LRRC18: variants seen among roughly 807,000 people sequenced by gnomAD.
LRRC18 encodes leucine rich repeat containing 18.
LRRC18 carries 12 observed loss-of-function variants against 11.2 expected under a neutral mutation model. The ratio of observed to expected loss-of-function variants is 1.07; its 90% confidence interval spans 0.69 to 1.74. The LOEUF is 1.74. LRRC18 is among the 40% of genes most tolerant of loss of function. The pLI is 0.00. For missense variants in LRRC18, 374 were observed against 330.5 expected, an observed-to-expected ratio of 1.13 and a Z score of -1.02; for synonymous variants, 155 against 130.6, an observed-to-expected ratio of 1.19 and a Z score of -1.27.
chr10:48,915,677 A>C (rs555290756), upstream of LRRC18, among the ~76,000 whole-genome samples: 3 of 152,126 alleles, frequency 2.0e-5, no homozygotes, highest in Non-Finnish European at 4.4e-5. Flanking sequence ...TCTCACACCT[A>C]CTGAAAATCC....
intron 1 of LRRC18, among the ~76,000 whole-genome samples, chr10:48,911,936 G>C (rs1417363084): frequency 6.6e-6 from 1 of 152,236 alleles, no homozygotes; most frequent in African/African-American, 2.4e-5. Context: ...GAAATGTGCT[G>C]TGTGCTGTGG....
the LRRC18 span, among the ~76,000 whole-genome samples, chr10:48,935,873 G>C: frequency 6.7e-6 from 1 of 149,918 alleles, no homozygotes; most frequent in African/African-American, 2.4e-5. Flanking sequence ...CATGAATAAG[G>C]CTGAAATTAT....
the LRRC18 span, among the ~76,000 whole-genome samples, chr10:48,936,499 G>T: frequency 5.3e-5 from 8 of 151,944 alleles, no homozygotes. Context: ...AAATATACAA[G>T]ATAAATACAT....
the LRRC18 span, among the ~76,000 whole-genome samples, chr10:48,933,435 C>T: frequency 1.3e-5 from 2 of 152,224 alleles, no homozygotes; most frequent in Admixed American, 1.3e-4. Flanking sequence ...CTTTTCCATA[C>T]AAGCTTGGCT....
chr10:48,935,147 G>GCGCAGGGC, the LRRC18 span: 2 of 152,240 alleles, frequency 1.3e-5, no homozygotes, highest in African/African-American at 4.8e-5. Flanking sequence ...AAATCGATAA[G>GCGCAGGGC]CGCAGGGCCG....
chr10:48,920,538 A>C, the LRRC18 span, among the ~76,000 whole-genome samples: 21 of 151,938 alleles, frequency 1.4e-4, no homozygotes, highest in African/African-American at 4.6e-4. Context: ...GAAAAAAAAG[A>C]AAAAAAAAGC....
At chr10:48,912,367 G>A (rs965940359) in intron 1 of LRRC18, among the ~76,000 whole-genome samples, 2 of 152,244 alleles carry the variant, frequency 1.3e-5, no homozygotes, top group African/African-American at 4.8e-5. Flanking sequence ...CACTTCACGA[G>A]TGAGGGAACC....
At chr10:48,910,405 G>C in intron 1 of LRRC18, 147 bp from the exon 4 acceptor site, 1 of 726,414 alleles carries the variant, frequency 1.4e-6, no homozygotes, top group Non-Finnish European at 2.5e-6. Context: ...TGTTGTATTT[G>C]AGGAAAGAGA....
upstream of LRRC18, among the ~76,000 whole-genome samples, chr10:48,915,364 G>T (rs1373329295): frequency 6.6e-6 from 1 of 151,976 alleles, no homozygotes; most frequent in African/African-American, 2.4e-5. Flanking sequence ...TGTTCTGTTT[G>T]GTTCTGGGAC....
At chr10:48,924,054 C>A in the LRRC18 span, among the ~76,000 whole-genome samples, 1 of 152,224 alleles carries the variant, frequency 6.6e-6, no homozygotes, top group Admixed American at 6.5e-5. Flanking sequence ...GAGCCTCTCT[C>A]CAAAGGGCCC....
chr10:48,937,994 A>G, the LRRC18 span, among the ~76,000 whole-genome samples: 2 of 152,156 alleles, frequency 1.3e-5, no homozygotes, highest in Non-Finnish European at 2.9e-5. Flanking sequence ...TCGCCTGGCA[A>G]TGGCCAAGCT....
chr10:48,926,848 C>A, the LRRC18 span, among the ~76,000 whole-genome samples: 6 of 152,208 alleles, frequency 3.9e-5, no homozygotes, highest in African/African-American at 1.4e-4. Flanking sequence ...AGGCATGTGT[C>A]CCCAAGTAGG....
chr10:48,913,053 T>A (rs749927418), intron 1 of LRRC18, among the ~76,000 whole-genome samples: 3 of 152,022 alleles, frequency 2.0e-5, no homozygotes, highest in Non-Finnish European at 4.4e-5. Flanking sequence ...CCAGTGATAG[T>A]GAGTGTGTGG....
the LRRC18 span, among the ~76,000 whole-genome samples, chr10:48,924,012 C>T: frequency 2.6e-5 from 4 of 152,230 alleles, no homozygotes; most frequent in South Asian, 2.1e-4. Flanking sequence ...GGAAGCAGCA[C>T]GGAGCTGGCT....
the LRRC18 span, among the ~76,000 whole-genome samples, chr10:48,934,033 A>G: frequency 6.6e-6 from 1 of 152,078 alleles, no homozygotes; most frequent in South Asian, 2.1e-4. Context: ...AGTGCCTCCC[A>G]TCTCTCCCTG....
chr10:48,914,163 T>C (rs769005208), exon 1 of LRRC18: 2 of 1,609,434 alleles, frequency 1.2e-6, no homozygotes, highest in African/African-American at 1.3e-5. Flanking sequence ...CATGTTCTTT[T>C]AGTAAGGGAG....
chr10:48,938,905 C>A, the LRRC18 span, among the ~76,000 whole-genome samples: 37 of 152,298 alleles, frequency 2.4e-4, no homozygotes, highest in African/African-American at 8.7e-4. Context: ...GATGTGATGT[C>A]CCCTGTATGT....
chr10:48,927,355 T>C, the LRRC18 span, among the ~76,000 whole-genome samples: 1 of 152,200 alleles, frequency 6.6e-6, no homozygotes, highest in East Asian at 1.9e-4. Context: ...GGTAGGAATA[T>C]CCCTCCTATT....
At chr10:48,927,098 A>G in the LRRC18 span, among the ~76,000 whole-genome samples, 4 of 152,172 alleles carry the variant, frequency 2.6e-5, no homozygotes, top group Admixed American at 1.3e-4. Flanking sequence ...GGGCGGCTGT[A>G]TGCAGACTGC....
Sources: gnomAD v4.1 joint callset for allele counts (sites outside exome capture counted in the v4.1 genomes callset) on GRCh38, gnomAD v4.1.1 for gene constraint, MANE v1.5 for transcripts, NCBI Gene and HGNC (gene_info 2026-07-23, HGNC 2026-07-21) for gene names.